The following CREB5 variants were observed in gnomAD, a reference collection of about 807,000 sequenced individuals.
CREB5 encodes cAMP responsive element binding protein 5.
Under a neutral mutation model 57.1 loss-of-function variants are expected in CREB5, and 19 were observed. The ratio of observed to expected loss-of-function variants is 0.33; its 90% CI spans 0.23 to 0.49. The LOEUF (loss-of-function observed/expected upper bound fraction) is 0.49. CREB5 is among the 20% of genes least tolerant of loss of function. The pLI, the probability that CREB5 is intolerant of heterozygous loss-of-function variation, is 0.99. For missense variants in CREB5, 579 were observed against 671.6 expected (o/e 0.86, Z 1.52); for synonymous variants, 238 against 238.3 (o/e 1.00, Z 0.01).
intron 5 of CREB5, among the ~76,000 whole-genome samples, chr7:28,683,770 T>A (rs1480809044): frequency 6.6e-6 from 1 of 152,128 alleles, no homozygotes; most frequent in Admixed American, 6.5e-5. Context: ...CACCTCTATT[T>A]AAAGCACAGG....
intron 1 of CREB5, among the ~76,000 whole-genome samples, chr7:28,299,997 T>C (rs1256569687): frequency 5.3e-5 from 8 of 152,338 alleles, no homozygotes; most frequent in African/African-American, 1.9e-4. Context: ...TTTTGTGTAA[T>C]GTGTTGCCCT....
chr7:28,627,459 C>T (rs1321679656), intron 5 of CREB5, among the ~76,000 whole-genome samples: 1 of 151,964 alleles, frequency 6.6e-6, no homozygotes, highest in Non-Finnish European at 1.5e-5. Context: ...TGGGGTGGAG[C>T]CCAGGCATCA....
At position 28,463,540 on chromosome 7, in the gene CREB5, A is replaced by G. The variant is rs77752939; in HGVS notation, c.4-24635A>G. 3.4e-3 allele frequency among the ~76,000 whole-genome samples: 523 copies of G among 152,266 alleles called. 2 individuals are homozygous for G. The highest frequency in any genetic ancestry group is 0.011 in the African/African-American group (476 of 41,568). On this transcript the variant is annotated intron_variant, in intron 1 of 10. Transcript: ENST00000357727. ...GGAATATTGCCATCTAACGATACTA[A>G]TTCTTCCAATTCATGAATGTTTTTC...
chr7:28,387,711 T>A (rs1417884604), intron 1 of CREB5, among the ~76,000 whole-genome samples: 1 of 152,062 alleles, frequency 6.6e-6, no homozygotes, highest in Non-Finnish European at 1.5e-5. Flanking sequence ...CATGGAATGA[T>A]CTGTGCAGCA....
At chr7:28,788,695 C>T (rs1319882501) in intron 7 of CREB5, among the ~76,000 whole-genome samples, 2 of 152,146 alleles carry the variant, frequency 1.3e-5, no homozygotes, top group African/African-American at 4.8e-5. Context: ...CTCAGGCAGT[C>T]ATTCTGCATG....
chr7:28,609,633 T>C (rs1420914749), intron 5 of CREB5, among the ~76,000 whole-genome samples: 1 of 152,244 alleles, frequency 6.6e-6, no homozygotes, highest in Non-Finnish European at 1.5e-5. Context: ...TGGCTTTTCC[T>C]TTTGGTTCAA....
intron 4 of CREB5, among the ~76,000 whole-genome samples, chr7:28,512,593 A>T (rs1446457706): frequency 6.6e-6 from 1 of 152,156 alleles, no homozygotes; most frequent in Non-Finnish European, 1.5e-5. Flanking sequence ...GACTTAAAAA[A>T]GAAATTGCAT....
intron 4 of CREB5, among the ~76,000 whole-genome samples, chr7:28,569,760 C>T (rs973135106): frequency 6.6e-6 from 1 of 152,190 alleles, no homozygotes; most frequent in East Asian, 1.9e-4. Context: ...TATGAAAATA[C>T]AGCAGAAAGC....
At chr7:28,312,510 G>C (rs1337404247) in intron 1 of CREB5, among the ~76,000 whole-genome samples, 1 of 152,172 alleles carries the variant, frequency 6.6e-6, no homozygotes, top group Admixed American at 6.5e-5. Context: ...GGTGTACAAA[G>C]GGGGAGGGAA....
intron 9 of CREB5, 104 bp from the exon 10 acceptor site, chr7:28,817,967 G>T: frequency 1.4e-6 from 1 of 716,380 alleles, no homozygotes; most frequent in South Asian, 1.9e-5. Flanking sequence ...ATGTCATTTA[G>T]ACATAATGGA....
chr7:28,796,615 A>G (rs1808058839), intron 7 of CREB5, among the ~76,000 whole-genome samples: 1 of 152,164 alleles, frequency 6.6e-6, no homozygotes, highest in Admixed American at 6.5e-5. Context: ...TAAAACCAAG[A>G]CTTCTCACTC....
At chr7:28,576,066 A>C (rs1795898223) in intron 5 of CREB5, among the ~76,000 whole-genome samples, 1 of 152,238 alleles carries the variant, frequency 6.6e-6, no homozygotes, top group African/African-American at 2.4e-5. Flanking sequence ...AAAATACCCC[A>C]GCTCTCGTCT....
At position 28,560,851 on chromosome 7, in the gene CREB5, T is replaced by TGCGC. The variant is rs1416148801; in HGVS notation, c.292-9513_292-9512insCGCG. On this transcript the variant is annotated intron_variant, in intron 4 of 10. Transcript: ENST00000357727. ...GCGCGCGCGTGTGTGTGTGCGCGTG[T>TGCGC]GTGTGTGCGTGTGCCTGCGTGCGCG... Among the ~76,000 whole-genome samples the TGCGC allele has an allele frequency of 5.8e-5, 4 of 69,142 alleles. 1 individual carries two copies. Among genetic ancestry groups the TGCGC allele is most frequent in the African/African-American group, 2.3e-4 (4 of 17,576 alleles). 45.4% of individuals were successfully genotyped at this position (69,142 alleles called of 152,430 possible). A position where few individuals can be genotyped will look rare whatever the true frequency, so the allele number is the denominator to read the frequency against.
At chr7:28,305,436 G>A (rs144555243) in intron 1 of CREB5, among the ~76,000 whole-genome samples, 17 of 152,280 alleles carry the variant, frequency 1.1e-4, no homozygotes, top group African/African-American at 3.4e-4. Context: ...TGGACGTCAG[G>A]GGAACCCAGC....
intron 4 of CREB5, among the ~76,000 whole-genome samples, chr7:28,532,180 A>C (rs905513718): frequency 3.9e-5 from 6 of 152,182 alleles, no homozygotes; most frequent in Non-Finnish European, 8.8e-5. Context: ...GGAGAGGTCC[A>C]CGTGGCCAGG....
chr7:28,520,407 T>G (rs11971726), intron 4 of CREB5, among the ~76,000 whole-genome samples: 5,185 of 152,208 alleles, frequency 0.034, 268 homozygotes, highest in East Asian at 0.12. Flanking sequence ...TACTCATATT[T>G]GCATTCTCCT....
At chr7:28,698,322 C>T (rs1801676366) in intron 5 of CREB5, among the ~76,000 whole-genome samples, 1 of 147,446 alleles carries the variant, frequency 6.8e-6, no homozygotes, top group Non-Finnish European at 1.5e-5. Flanking sequence ...TTAATAGTCT[C>T]TCTTCCTCAT....
At chr7:28,424,860 G>T (rs1231966232) in intron 1 of CREB5, among the ~76,000 whole-genome samples, 1 of 152,124 alleles carries the variant, frequency 6.6e-6, no homozygotes, top group African/African-American at 2.4e-5. Context: ...GTTGTTGATG[G>T]ATAATTTATG....
intron 1 of CREB5, among the ~76,000 whole-genome samples, chr7:28,343,034 G>A (rs1235923184): frequency 1.4e-4 from 22 of 151,868 alleles, no homozygotes; most frequent in Non-Finnish European, 2.9e-4. Context: ...TCCGCCTCCC[G>A]GGTTCACACC....
Sources: allele counts gnomAD v4.1 joint callset (sites outside exome capture counted in the v4.1 genomes callset), GRCh38; gene constraint gnomAD v4.1.1; transcripts MANE v1.5; gene names NCBI Gene and HGNC (gene_info 2026-07-23, HGNC 2026-07-21).